Variants in BLNK observed in about 807,000 individuals in gnomAD.
BLNK encodes B cell linker, also known as B-cell linker protein.
A neutral mutation model predicts 73.5 loss-of-function variants in BLNK; 29 were observed. That is an observed-to-expected ratio of 0.39 (90% CI 0.29 to 0.54). The LOEUF is 0.54. BLNK is among the 20% of genes least tolerant of loss of function. BLNK has a pLI of 0.61. For synonymous variants in BLNK, 176 were observed against 200.8 expected, an observed-to-expected ratio of 0.88 and a Z score of 1.04; for missense variants, 460 against 562.8, an observed-to-expected ratio of 0.82 and a Z score of 1.85.
intron 1 of BLNK, among the ~76,000 whole-genome samples, chr10:96,250,441 A>G (rs1288338079): frequency 3.7e-5 from 4 of 108,860 alleles, no homozygotes; most frequent in Admixed American, 2.0e-4. Context: ...AGAGAGGAAG[A>G]GAGAAAGAGA....
intron 1 of BLNK, among the ~76,000 whole-genome samples, chr10:96,251,994 G>A (rs1843304989): frequency 6.6e-6 from 1 of 152,130 alleles, no homozygotes; most frequent in Non-Finnish European, 1.5e-5. Context: ...CACCCCTGGA[G>A]ATTCTCATTG....
In BLNK at chr10:96,201,067, G is replaced by A. The variant is rs2083619954; in HGVS notation, c.935-9C>T. 1.2e-6 allele frequency: 2 copies of A among 1,611,026 alleles called. No individual in the cohort carries two copies. The highest frequency in any genetic ancestry group is 1.7e-6 in the Non-Finnish European group (2 of 1,177,316). Reference sequence around the variant, plus strand: ...TCCCCCTTCTGTAAATCCTGAAAGGGATCAGAAAAGTCCTTCAATTAATCT... The same window carrying A: ...TCCCCCTTCTGTAAATCCTGAAAGGAATCAGAAAAGTCCTTCAATTAATCT... On this transcript the variant is annotated splice_polypyrimidine_tract_variant and intron_variant, in intron 13 of 16. Transcript: ENST00000224337.
Position 96,191,223 on chromosome 10 carries a change from T to C in BLNK, c.*750A>G, listed in dbSNP as rs1370161661. ...CTCCCCAACCATGTGGAACTGTGAGTCCATTAAACCTCTTTTTTTTTTTTT... is the reference window on the plus strand; with the variant it reads ...CTCCCCAACCATGTGGAACTGTGAGCCCATTAAACCTCTTTTTTTTTTTTT... On this transcript the variant is annotated 3_prime_UTR_variant, in exon 17 of 17. Transcript: ENST00000224337. Among the ~76,000 whole-genome samples the C allele has an allele frequency of 6.9e-6, 1 of 144,912 alleles. No individual in the cohort carries two copies. The highest frequency in any genetic ancestry group is 2.6e-5 in the African/African-American group (1 of 39,164).
intron 2 of BLNK, among the ~76,000 whole-genome samples, chr10:96,245,255 G>C (rs551863653): frequency 1.3e-5 from 2 of 152,194 alleles, no homozygotes; most frequent in East Asian, 3.9e-4. Context: ...AGATTAAAAC[G>C]AATAAGGATG....
rs781955000 is a variant in BLNK, at chr10:96,223,911, G to A, written c.440C>T (p.Ala147Val). 3 of 1,613,724 alleles carry A rather than the reference G, an allele frequency of 1.9e-6. No homozygotes were observed. Among genetic ancestry groups the A allele is most frequent in the Non-Finnish European group, 2.5e-6 (3 of 1,180,014 alleles). Residue 147 changes from alanine (A) to valine (V), a missense_variant, in exon 6 of 17, where the codon GCA (alanine) becomes GTA (valine). Around this residue, in one of 3 missense-constraint regions of BLNK, gnomAD observed 233 missense variants for 232.1 expected, o/e 1.00. Coordinates refer to ENST00000224337, the MANE Select transcript of BLNK (RefSeq NM_013314.4). The part of the protein sequence containing the change: ...PSKPSWPSEK[A>V]RLTSTLPALT... The stretch of plus-strand genomic sequence containing the variant: ...GGCCGGCAGGGTGGAGGTGAGCCTT[G>A]CTTTCTCTGAAGGCCAGCTGGGCTT...
At chr10:96,254,669 C>G (rs1475304147) in intron 1 of BLNK, among the ~76,000 whole-genome samples, 1 of 152,164 alleles carries the variant, frequency 6.6e-6, no homozygotes, top group African/African-American at 2.4e-5. Context: ...TGCCACCACG[C>G]CTGGCTAACT....
At chr10:96,231,111 G>C (rs904602547) in intron 3 of BLNK, among the ~76,000 whole-genome samples, 10 of 152,324 alleles carry the variant, frequency 6.6e-5, no homozygotes, top group Middle Eastern at 3.4e-3. Context: ...GGGTCCCCCA[G>C]TAGAGACCTA....
chr10:96,238,715 T>C (rs972006159), intron 3 of BLNK, among the ~76,000 whole-genome samples: 1 of 152,110 alleles, frequency 6.6e-6, no homozygotes, highest in African/African-American at 2.4e-5. Flanking sequence ...TTTTGGACCA[T>C]TTCCGGGGAT....
intron 8 of BLNK, 47 bp from the exon 9 acceptor site, chr10:96,209,954 G>A (rs782605234): frequency 6.3e-7 from 1 of 1,597,094 alleles, no homozygotes; most frequent in South Asian, 1.1e-5. Context: ...TGAGCCGGGG[G>A]CTGATGCTCA....
chr10:96,230,565 C>G (rs1321955404), intron 4 of BLNK, among the ~76,000 whole-genome samples: 1 of 152,172 alleles, frequency 6.6e-6, no homozygotes, highest in African/African-American at 2.4e-5. Flanking sequence ...ATAAGAACAC[C>G]TACCTCAAAG....
At chr10:96,198,127 A>G (rs2083523087) in intron 15 of BLNK, among the ~76,000 whole-genome samples, 1 of 152,058 alleles carries the variant, frequency 6.6e-6, no homozygotes, top group African/African-American at 2.4e-5. Context: ...CTCAACAAAG[A>G]ACAAATTATA....
intron 1 of BLNK, among the ~76,000 whole-genome samples, chr10:96,269,437 T>G (rs954852205): frequency 6.6e-6 from 1 of 151,740 alleles, no homozygotes; most frequent in Admixed American, 6.6e-5. Flanking sequence ...AAAAAAAACA[T>G]TTGGAATCCT....
chr10:96,222,506 G>A (rs1554901388), intron 6 of BLNK, among the ~76,000 whole-genome samples: 2 of 152,180 alleles, frequency 1.3e-5, no homozygotes, highest in African/African-American at 4.8e-5. Flanking sequence ...TTTTCAAATA[G>A]GAGCTATTTC....
In BLNK at chr10:96,190,333, C is replaced by T; in HGVS notation, c.*1640G>A. 1.8e-6 allele frequency: 1 copy of T among 563,500 alleles called. No individual in the cohort carries two copies. Among genetic ancestry groups the T allele is most frequent in the Admixed American group, 2.7e-5 (1 of 36,760 alleles). The allele number at this position is 563,500 out of a possible 1,614,324, so 34.9% of individuals were successfully genotyped here. On this transcript the variant is annotated 3_prime_UTR_variant, in exon 17 of 17. Coordinates refer to ENST00000224337, the MANE Select transcript of BLNK (RefSeq NM_013314.4). ...CGCCAGTAGTATTGTTCCTGTGTGTCTCTTCATATAGTCTTCTCTCTGTGC... is the reference window on the plus strand; with the variant it reads ...CGCCAGTAGTATTGTTCCTGTGTGTTTCTTCATATAGTCTTCTCTCTGTGC...
chr10:96,199,337 A>G (rs1554895460), intron 15 of BLNK: 2 of 258,812 alleles, frequency 7.7e-6, no homozygotes, highest in African/African-American at 4.4e-5. Context: ...GGGCTCTCCA[A>G]ACATTTACTT....
intron 6 of BLNK, among the ~76,000 whole-genome samples, chr10:96,223,153 A>C (rs587679418): frequency 2.6e-5 from 4 of 152,268 alleles, no homozygotes; most frequent in African/African-American, 9.6e-5. Context: ...GTAAGGCAAG[A>C]ATGCTTCAAG....
rs757905723 is a variant in BLNK at position 96,189,974 on chromosome 10, A to G, written c.*1999T>C. 726 of 864,208 alleles carry G rather than the reference A, an allele frequency of 8.4e-4. 1 individual carries two copies. Among genetic ancestry groups the G allele is most frequent in the Non-Finnish European group, 1.3e-3 (653 of 510,716 alleles). 53.5% of individuals were successfully genotyped at this position (864,208 alleles called of 1,614,324 possible). A position where few individuals can be genotyped will look rare whatever the true frequency, so the allele number is the denominator to read the frequency against. On this transcript the variant is annotated 3_prime_UTR_variant, in exon 17 of 17. Transcript: ENST00000224337. ...GACCCCAAGGGAAACTGTTGGCTGT[A>G]CAGACATTTTCAAAGGTGCCAGTGT...
At chr10:96,262,097 A>G (rs1843782515) in intron 1 of BLNK, among the ~76,000 whole-genome samples, 1 of 152,112 alleles carries the variant, frequency 6.6e-6, no homozygotes, top group Admixed American at 6.5e-5. Context: ...ACAATGATCC[A>G]TTTATCCAGC....
intron 8 of BLNK, among the ~76,000 whole-genome samples, chr10:96,213,155 C>G (rs2083985684): frequency 6.6e-6 from 1 of 152,150 alleles, no homozygotes; most frequent in Admixed American, 6.5e-5. Context: ...CCCTCTCAAC[C>G]AACTGACCCC....
Sources: allele counts gnomAD v4.1 joint callset (sites outside exome capture counted in the v4.1 genomes callset), GRCh38; gene constraint gnomAD v4.1.1; regional missense constraint gnomAD v4.1.1; transcripts MANE v1.5; gene names NCBI Gene and HGNC (gene_info 2026-07-23, HGNC 2026-07-21).